ZNF775: variants seen among roughly 807,000 people sequenced by gnomAD.
ZNF775 encodes zinc finger protein 775.
In ZNF775, 1 loss-of-function variant was observed where a neutral mutation model predicts 2.4. The observed-to-expected ratio is 0.41, with a 90% confidence interval of 0.15 to 1.94. ZNF775 has a LOEUF of 1.94. Among genes scored for constraint, ZNF775 ranks in the 30% most tolerant of loss-of-function variants. The pLI, the probability that ZNF775 is intolerant of heterozygous loss-of-function variation, is 0.30. For synonymous variants in ZNF775, 381 were observed against 373.3 expected, an observed-to-expected ratio of 1.02 and a Z score of -0.24; for missense variants, 823 against 826.6, an observed-to-expected ratio of 1.00 and a Z score of 0.05.
intron 2 of ZNF775, among the ~76,000 whole-genome samples, chr7:150,390,662 A>G (rs1800545583): frequency 6.6e-6 from 1 of 152,244 alleles, no homozygotes; most frequent in Non-Finnish European, 1.5e-5. Flanking sequence ...CTTGATGCAT[A>G]GTATTCCATA....
chr7:150,379,798 C>T (rs544606789), intron 1 of ZNF775: 1 of 152,538 alleles, frequency 6.6e-6, no homozygotes, highest in Admixed American at 6.5e-5. Flanking sequence ...AGATCAGTTT[C>T]TGGGGGCAGG....
rs1326279071 is a variant in ZNF775 at position 150,397,838 on chromosome 7, A to C, written c.1357A>C (p.Lys453Gln). 6.2e-7 allele frequency: 1 copy of C among 1,601,280 alleles called. No homozygotes were observed. Among genetic ancestry groups the C allele is most frequent in the African/African-American group, 1.3e-5 (1 of 74,676 alleles). ...CCAGTTCATCTGCAACGAGTGCGGCAAGAGCTTCTCGTGGTGGTCGGCGCT... is the reference window on the plus strand; with the variant it reads ...CCAGTTCATCTGCAACGAGTGCGGCCAGAGCTTCTCGTGGTGGTCGGCGCT... ...PRQFICNECG[K>Q]SFSWWSALTI... Residue 453 changes from lysine (K) to glutamine (Q), a missense_variant, in exon 3 of 3, where the codon AAG becomes CAG. By Grantham distance (53) the Lys-to-Gln change is moderately conservative. Coordinates refer to ENST00000329630, the MANE Select transcript of ZNF775 (RefSeq NM_173680.4).
chr7:150,397,337 T>A lies in ZNF775; in HGVS notation c.856T>A (p.Cys286Ser), dbSNP rs1320196659. The change falls in exon 3 of 3, where the codon TGT becomes AGT. Residue 286 changes from cysteine to serine, a missense_variant. Coordinates refer to ENST00000329630, the MANE Select transcript of ZNF775 (RefSeq NM_173680.4). ...GEPRQFICNE[C>S]GKSFTWWSSL... ...GCCGCGCCAGTTCATCTGCAACGAGTGTGGCAAGAGCTTCACCTGGTGGTC... is the reference window on the plus strand; with the variant it reads ...GCCGCGCCAGTTCATCTGCAACGAGAGTGGCAAGAGCTTCACCTGGTGGTC... 6.3e-7 allele frequency: 1 copy of A among 1,592,410 alleles called. No homozygotes were observed. Among genetic ancestry groups the A allele is most frequent in the Non-Finnish European group, 8.5e-7 (1 of 1,173,580 alleles).
intron 1 of ZNF775, among the ~76,000 whole-genome samples, chr7:150,380,745 G>A (rs768286062): frequency 6.6e-6 from 1 of 152,230 alleles, no homozygotes; most frequent in Non-Finnish European, 1.5e-5. Flanking sequence ...AAGGACATAT[G>A]CTAAGATGTT....
intron 2 of ZNF775, 24 bp from the exon 3 acceptor site, chr7:150,396,489 C>T: frequency 1.9e-6 from 3 of 1,558,774 alleles, no homozygotes; most frequent in African/African-American, 1.4e-5. Context: ...TCTCTCCCTC[C>T]TCTCTCCCGC....
intron 2 of ZNF775, among the ~76,000 whole-genome samples, chr7:150,390,263 C>T (rs1461666276): frequency 6.6e-6 from 1 of 152,130 alleles, no homozygotes; most frequent in African/African-American, 2.4e-5. Context: ...CACTCCACCT[C>T]AGCTCCAGGG....
rs1048198344 is a variant in ZNF775 at position 150,385,442 on chromosome 7, G to A, written c.-49-2980G>A. 2.3e-5 allele frequency among the ~76,000 whole-genome samples: 3 copies of A among 130,318 alleles called. No homozygotes were observed. The Admixed American group carries it at 2.4e-4, about 10-fold the overall frequency. 85.5% of individuals were successfully genotyped at this position (130,318 alleles called of 152,430 possible). A position where few individuals can be genotyped will look rare whatever the true frequency, so the allele number is the denominator to read the frequency against. On this transcript the variant is annotated intron_variant, in intron 1 of 2. Transcript: ENST00000329630. ...GCTCTGAGCCTGCAATACCCCAAGC[G>A]ACTGCAAAGACGGGAGCTCTGAGCC...
intron 2 of ZNF775, among the ~76,000 whole-genome samples, chr7:150,388,915 C>T (rs907226750): frequency 5.3e-5 from 8 of 152,226 alleles, no homozygotes; most frequent in African/African-American, 1.2e-4. Flanking sequence ...AGTCCATTAA[C>T]GCTTCCTGGG....
At chr7:150,388,869 C>T (rs1046134325) in intron 2 of ZNF775, among the ~76,000 whole-genome samples, 3 of 152,228 alleles carry the variant, frequency 2.0e-5, no homozygotes, top group Admixed American at 6.5e-5. Context: ...TTGGAACAAA[C>T]CTGTGGCTCA....
chr7:150,380,388 T>A (rs1420252187), intron 1 of ZNF775, among the ~76,000 whole-genome samples: 1 of 152,198 alleles, frequency 6.6e-6, no homozygotes, highest in African/African-American at 2.4e-5. Context: ...ATGCATGTAG[T>A]CTTGTGCAGA....
chr7:150,396,564 A>T lies in ZNF775; in HGVS notation c.83A>T (p.Gln28Leu), dbSNP rs745495468. 1 of 1,605,482 alleles carries T rather than the reference A, an allele frequency of 6.2e-7. No individual in the cohort carries two copies. Among genetic ancestry groups the T allele is most frequent in the South Asian group, 1.1e-5 (1 of 89,430 alleles). ...CAGGAGAAGCCGGAGCGGCTGCTGCAGACGCTGGCGCCGCAGGCCATGCTT... is the reference window on the plus strand; with the variant it reads ...CAGGAGAAGCCGGAGCGGCTGCTGCTGACGCTGGCGCCGCAGGCCATGCTT... ...VKQEKPERLL[Q>L]TLAPQAMLVE... is the part of the protein sequence containing the mutation. The change falls in exon 3 of 3, where the codon CAG becomes CTG. Residue 28 changes from glutamine (Q) to leucine (L), a missense_variant. Transcript: ENST00000329630.
At chr7:150,380,457 CAG>C (rs1406219627) in intron 1 of ZNF775, among the ~76,000 whole-genome samples, 1 of 152,146 alleles carries the variant, frequency 6.6e-6, no homozygotes, top group Admixed American at 6.5e-5. Flanking sequence ...ACAGGTTAAA[CAG>C]AGAAGGGATT....
intron 2 of ZNF775, among the ~76,000 whole-genome samples, chr7:150,391,359 T>TG (rs779507044): frequency 3.9e-5 from 6 of 151,956 alleles, no homozygotes; most frequent in Non-Finnish European, 8.8e-5. Context: ...AATACAAAAC[T>TG]TAGCTGGGTG....
At chr7:150,393,230 T>C (rs1800590983) in intron 2 of ZNF775, among the ~76,000 whole-genome samples, 1 of 152,184 alleles carries the variant, frequency 6.6e-6, no homozygotes, top group South Asian at 2.1e-4. Flanking sequence ...GTTGAAGTCA[T>C]ACAGTGTGTA....
chr7:150,388,403 C>A lies in ZNF775; in HGVS notation c.-49-19C>A. 1 of 1,544,668 alleles carries A rather than the reference C, an allele frequency of 6.5e-7. No individual in the cohort carries two copies. The highest frequency in any genetic ancestry group is 2.0e-5 in the Admixed American group (1 of 50,928). The stretch of plus-strand genomic sequence containing the variant: ...GTCCCACAGGCCCATTCTCTTTCTT[C>A]TGCTTCTCTTTCTGACAGATGGCAG... On this transcript the variant is annotated intron_variant, in intron 1 of 2. Coordinates refer to ENST00000329630, the MANE Select transcript of ZNF775 (RefSeq NM_173680.4).
At position 150,396,536 on chromosome 7, in the gene ZNF775, A is replaced by G. The variant is rs753318204; in HGVS notation, c.55A>G (p.Lys19Glu). The G allele has an allele frequency of 1.9e-6, 3 of 1,601,162 alleles. No homozygotes were observed. The South Asian group carries it at 3.4e-5, about 18-fold the overall frequency. ...AGGAGCTGGGCTGGTGATGAAGGTC[A>G]AGCAGGAGAAGCCGGAGCGGCTGCT... Reference protein sequence around the residue: ...GTGAGLVMKVKQEKPERLLQT... With the variant: ...GTGAGLVMKVEQEKPERLLQT... The change falls in exon 3 of 3, where the codon AAG (lysine) becomes GAG (glutamate). Residue 19 changes from lysine (K) to glutamate (E), a missense_variant. Transcript: ENST00000329630.
intron 2 of ZNF775, among the ~76,000 whole-genome samples, chr7:150,396,021 G>A (rs1287121368): frequency 1.3e-5 from 2 of 152,208 alleles, no homozygotes; most frequent in African/African-American, 4.8e-5. Context: ...GAGGGACTGA[G>A]CATGCCTTTG....
At chr7:150,392,544 G>GTTCTCTCTCT (rs1800576716) in intron 2 of ZNF775, among the ~76,000 whole-genome samples, 1 of 98,106 alleles carries the variant, frequency 1.0e-5, no homozygotes, top group African/African-American at 4.6e-5. Context: ...TTCCCAAATG[G>GTTCTCTCTCT]ATCTCTCTCT....
At position 150,396,929 on chromosome 7, in the gene ZNF775, C is replaced by A; in HGVS notation, c.448C>A (p.Leu150Met). ...CGKSFSQKPN[L>M]ARHQRHHTGE... The stretch of plus-strand genomic sequence containing the variant: ...CAAGAGCTTCAGCCAGAAGCCGAAC[C>A]TGGCGCGCCACCAGCGGCACCACAC... The change falls in exon 3 of 3, where the codon CTG becomes ATG. Residue 150 changes from leucine (L) to methionine (M), a missense_variant. Transcript: ENST00000329630. 3 of 1,601,734 alleles carry A rather than the reference C, an allele frequency of 1.9e-6. No homozygotes were observed. The highest frequency in any genetic ancestry group is 1.7e-6 in the Non-Finnish European group (2 of 1,179,632).
Sources: gnomAD v4.1 joint callset for allele counts (sites outside exome capture counted in the v4.1 genomes callset) on GRCh38, gnomAD v4.1.1 for gene constraint, MANE v1.5 for transcripts, NCBI Gene and HGNC (gene_info 2026-07-23, HGNC 2026-07-21) for gene names.